CTNNA3: variants seen among roughly 807,000 people sequenced by gnomAD.
CTNNA3 encodes the protein catenin alpha-3.
A neutral mutation model predicts 95.7 loss-of-function variants in CTNNA3; 76 were observed. That is an observed-to-expected ratio of 0.79 (90% CI 0.66 to 0.96). CTNNA3 has a LOEUF of 0.96. CTNNA3 is among the 40% of genes least tolerant of loss of function. The pLI is 0.00. For missense variants in CTNNA3, 1,191 were observed against 1,089.8 expected, an observed-to-expected ratio of 1.09 and a Z score of -1.31; for synonymous variants, 431 against 374.4, an observed-to-expected ratio of 1.15 and a Z score of -1.74.
chr10:67,024,495 A>G (rs1853229431), intron 7 of CTNNA3, among the ~76,000 whole-genome samples: 1 of 152,178 alleles, frequency 6.6e-6, no homozygotes, highest in African/African-American at 2.4e-5. Context: ...GGAAGTAAAC[A>G]TCTTTGGTGG....
intron 7 of CTNNA3, among the ~76,000 whole-genome samples, chr10:67,091,339 CACAA>C (rs1166457881): frequency 4.6e-5 from 7 of 151,714 alleles, no homozygotes; most frequent in Admixed American, 4.6e-4. Context: ...GTGATACATA[CACAA>C]ACATACATGC....
At chr10:66,508,872 A>C (rs115800034) in intron 11 of CTNNA3, among the ~76,000 whole-genome samples, 1,588 of 152,224 alleles carry the variant, frequency 0.01, 29 homozygotes, top group African/African-American at 0.037. Context: ...TCTTTAATAC[A>C]ATGATTTCCC....
chr10:66,912,438 T>G (rs1846261941), intron 7 of CTNNA3, among the ~76,000 whole-genome samples: 1 of 152,222 alleles, frequency 6.6e-6, no homozygotes, highest in Admixed American at 6.5e-5. Context: ...AAAATTCTAT[T>G]CTATTTCATT....
At chr10:66,110,532 T>C (rs2082083650) in intron 13 of CTNNA3, among the ~76,000 whole-genome samples, 1 of 152,010 alleles carries the variant, frequency 6.6e-6, no homozygotes, top group Non-Finnish European at 1.5e-5. Flanking sequence ...ACATATACAC[T>C]CAGTGAAATA....
chr10:66,106,578 T>C (rs2081921809), intron 13 of CTNNA3, among the ~76,000 whole-genome samples: 1 of 152,092 alleles, frequency 6.6e-6, no homozygotes, highest in Non-Finnish European at 1.5e-5. Context: ...ATCCCAAAAG[T>C]TGTTGTGAGG....
chr10:66,524,858 T>C (rs1469870692), intron 10 of CTNNA3, among the ~76,000 whole-genome samples: 1 of 152,078 alleles, frequency 6.6e-6, no homozygotes, highest in Admixed American at 6.6e-5. Flanking sequence ...GAGACCAGAC[T>C]GACCAATATG....
At chr10:67,739,174 G>T (rs1021701699) in intron 1 of CTNNA3, among the ~76,000 whole-genome samples, 2 of 152,138 alleles carry the variant, frequency 1.3e-5, no homozygotes, top group Non-Finnish European at 2.9e-5. Flanking sequence ...AGGAAAAAAT[G>T]GTAAGGGCAG....
intron 7 of CTNNA3, among the ~76,000 whole-genome samples, chr10:67,089,866 C>G (rs1009918694): frequency 2.0e-5 from 3 of 151,874 alleles, no homozygotes; most frequent in Non-Finnish European, 2.9e-5. Context: ...TGCCAGAGAG[C>G]AGAAATTGTG....
chr10:67,265,688 C>T (rs1189172381), intron 5 of CTNNA3, among the ~76,000 whole-genome samples: 1 of 152,080 alleles, frequency 6.6e-6, no homozygotes, highest in Non-Finnish European at 1.5e-5. Context: ...ACATCAGGTA[C>T]TGTGAAGAGC....
At chr10:67,507,237 A>C (rs1839453607) in intron 5 of CTNNA3, among the ~76,000 whole-genome samples, 1 of 152,198 alleles carries the variant, frequency 6.6e-6, no homozygotes, top group Non-Finnish European at 1.5e-5. Flanking sequence ...TGAGTAAGAA[A>C]ATTAAATCAA....
intron 5 of CTNNA3, among the ~76,000 whole-genome samples, chr10:67,515,052 G>T (rs1024344524): frequency 6.6e-6 from 1 of 152,096 alleles, no homozygotes; most frequent in Non-Finnish European, 1.5e-5. Context: ...TTTAATAGAA[G>T]ACACTTAGTT....
At chr10:66,944,633 T>G (rs568789186) in intron 7 of CTNNA3, among the ~76,000 whole-genome samples, 2 of 152,088 alleles carry the variant, frequency 1.3e-5, no homozygotes, top group African/African-American at 4.8e-5. Context: ...CAAGGCAGCA[T>G]GAGACTTATA....
At chr10:67,467,299 C>T (rs571867791) in intron 5 of CTNNA3, among the ~76,000 whole-genome samples, 16 of 152,198 alleles carry the variant, frequency 1.1e-4, no homozygotes, top group African/African-American at 3.9e-4. Flanking sequence ...TCTTGGTAAA[C>T]CAAATATTGA....
At chr10:67,735,917 G>A (rs1841300020) in intron 1 of CTNNA3, among the ~76,000 whole-genome samples, 1 of 152,048 alleles carries the variant, frequency 6.6e-6, no homozygotes, top group South Asian at 2.1e-4. Flanking sequence ...ATGATTAATG[G>A]ATAAACAAAA....
chr10:67,415,265 T>C (rs1311099527), intron 5 of CTNNA3, among the ~76,000 whole-genome samples: 1 of 152,126 alleles, frequency 6.6e-6, no homozygotes, highest in Non-Finnish European at 1.5e-5. Context: ...TAAAGACTGC[T>C]AAAAGGTTCC....
At chr10:66,715,768 T>G (rs1589160830) in intron 9 of CTNNA3, among the ~76,000 whole-genome samples, 1 of 152,064 alleles carries the variant, frequency 6.6e-6, no homozygotes, top group African/African-American at 2.4e-5. Context: ...ATATTTCTCC[T>G]CTTTATTTCA....
intron 13 of CTNNA3, among the ~76,000 whole-genome samples, chr10:66,110,361 A>T (rs1483916835): frequency 1.2e-5 from 1 of 83,290 alleles, no homozygotes; most frequent in Non-Finnish European, 2.2e-5. Context: ...GACTCTGTCT[A>T]AAAAAAAAAA....
chr10:67,663,996 A>C (rs745353692), intron 1 of CTNNA3, among the ~76,000 whole-genome samples: 38 of 152,250 alleles, frequency 2.5e-4, no homozygotes, highest in Middle Eastern at 3.4e-3. Flanking sequence ...CTTTTTTTAC[A>C]AGTTAGATCA....
rs570724700 is a variant in CTNNA3 at position 66,871,482 on chromosome 10, C to T, written c.1048-95958G>A. On this transcript the variant is annotated intron_variant, in intron 7 of 17. Transcript: ENST00000433211. ...GAGGCTGACGCAGGAGAATCTCTTG[C>T]ACCTGGGAGGCGGAGGTTGCGGTGA... Among the ~76,000 whole-genome samples the T allele has an allele frequency of 1.5e-4, 22 of 148,234 alleles. No individual in the cohort carries two copies. The South Asian group carries it at 4.0e-3, about 27-fold the overall frequency.
Sources: allele counts gnomAD v4.1 joint callset (sites outside exome capture counted in the v4.1 genomes callset), GRCh38; gene constraint gnomAD v4.1.1; transcripts MANE v1.5; gene names NCBI Gene and HGNC (gene_info 2026-07-23, HGNC 2026-07-21).